The following ALMS1 variants were observed in gnomAD, a reference collection of about 807,000 sequenced individuals.
The protein encoded by ALMS1 is ALMS1 centrosome and basal body associated protein.
ALMS1 carries 271 observed loss-of-function variants against 352.2 expected under a neutral mutation model. The ratio of observed to expected loss-of-function variants is 0.77; its 90% CI spans 0.70 to 0.85. The LOEUF is 0.85. ALMS1 is among the 40% of genes least tolerant of loss of function. The pLI is 0.00. For synonymous variants in ALMS1, 1,865 were observed against 1,761.2 expected (o/e 1.06, Z -1.48); for missense variants, 5,445 against 4,870.7 (o/e 1.12, Z -3.51).
At chr2:73,509,773 T>G (rs373733006) in intron 10 of ALMS1, among the ~76,000 whole-genome samples, 10 of 152,202 alleles carry the variant, frequency 6.6e-5, no homozygotes, top group South Asian at 2.1e-4. Flanking sequence ...CTTTGTGGTG[T>G]TCTCTGTATT....
chr2:73,571,000 A>C (rs1188109536), intron 15 of ALMS1, among the ~76,000 whole-genome samples: 1 of 152,196 alleles, frequency 6.6e-6, no homozygotes, highest in African/African-American at 2.4e-5. Context: ...CCCCTAATTT[A>C]GAATTATATA....
chr2:73,563,320 A>G (rs1279275061), intron 15 of ALMS1, among the ~76,000 whole-genome samples: 2 of 152,204 alleles, frequency 1.3e-5, no homozygotes, highest in African/African-American at 4.8e-5. Context: ...GCAATCCACA[A>G]TGAGGATATT....
chr2:73,603,237 C>T lies in ALMS1; in HGVS notation c.12299-4C>T, dbSNP rs777030138. 4 of 1,614,028 alleles carry T rather than the reference C, an allele frequency of 2.5e-6. No homozygotes were observed. Among genetic ancestry groups the T allele is most frequent in the East Asian group, 4.5e-5 (2 of 44,876 alleles). The stretch of plus-strand genomic sequence containing the variant: ...CACTGAAAACCCTTTCTTCTCTTGC[C>T]TAGTCTTCCTGGCTATCCAGAAGAA... On this transcript the variant is annotated splice_region_variant and splice_polypyrimidine_tract_variant and intron_variant, in intron 20 of 22. Coordinates refer to ENST00000613296, the MANE Select transcript of ALMS1 (RefSeq NM_001378454.1).
chr2:73,395,573 A>G (rs535763919), intron 1 of ALMS1, among the ~76,000 whole-genome samples: 1 of 152,144 alleles, frequency 6.6e-6, no homozygotes, highest in East Asian at 1.9e-4. Context: ...TATTTTTCTT[A>G]ATTGAATGTT....
chr2:73,415,322 A>T (rs1437829907), intron 2 of ALMS1, among the ~76,000 whole-genome samples: 1 of 152,350 alleles, frequency 6.6e-6, no homozygotes, highest in African/African-American at 2.4e-5. Flanking sequence ...ATGGGAAATT[A>T]TAAGAATATG....
chr2:73,515,327 CA>C (rs1398419667), intron 10 of ALMS1, among the ~76,000 whole-genome samples: 1 of 152,058 alleles, frequency 6.6e-6, no homozygotes, highest in Non-Finnish European at 1.5e-5. Flanking sequence ...CTTTTGCTCT[CA>C]ATATATTAAT....
In ALMS1 at chr2:73,573,330, G is replaced by A. The variant is rs1674985801; in HGVS notation, c.11453G>A (p.Arg3818Lys). Residue 3818 changes from arginine to lysine, a missense_variant, in exon 16 of 23, where the codon AGA becomes AAA. Arg to Lys is a conservative substitution (Grantham distance 26). Coordinates refer to ENST00000613296, the MANE Select transcript of ALMS1 (RefSeq NM_001378454.1). ...LYSSITNQQR[R>K]YLEKRSKHSK... ...AGCAGCATCACCAACCAACAGAGGA[G>A]ATACCTTGAGAAGCGGAGCAAACAC... 1 of 1,614,022 alleles carries A rather than the reference G, an allele frequency of 6.2e-7. No individual in the cohort carries two copies. Among genetic ancestry groups the A allele is most frequent in the Non-Finnish European group, 8.5e-7 (1 of 1,180,022 alleles).
intron 10 of ALMS1, among the ~76,000 whole-genome samples, chr2:73,508,115 CTTTTCT>C (rs1314222498): frequency 6.7e-5 from 10 of 150,028 alleles, no homozygotes; most frequent in Non-Finnish European, 1.0e-4. Context: ...TTTCTTTTCT[CTTTTCT>C]TTTCCTTTCC....
rs1003907117 is a variant in ALMS1 at position 73,609,783 on chromosome 2, G to A, written c.*171G>A. 3.0e-6 allele frequency: 2 copies of A among 676,938 alleles called. No individual in the cohort carries two copies. Among genetic ancestry groups the A allele is most frequent in the African/African-American group, 1.8e-5 (1 of 55,384 alleles). The allele number at this position is 676,938 out of a possible 1,614,324, so 41.9% of individuals were successfully genotyped here. On this transcript the variant is annotated 3_prime_UTR_variant, in exon 23 of 23. Transcript: ENST00000613296. ...AAAGTGGTGATTAAAATTCCTAATG[G>A]TTTGGGAGCAATACTTTCTGCATAG...
At chr2:73,593,120 G>A (rs1020278272) in intron 16 of ALMS1, among the ~76,000 whole-genome samples, 2 of 136,980 alleles carry the variant, frequency 1.5e-5, no homozygotes, top group African/African-American at 2.7e-5. Context: ...TTAGAGATGC[G>A]TGGGACTCTC....
chr2:73,474,371 CTGTGTGTGTGTGTG>C (rs377039331), intron 9 of ALMS1, among the ~76,000 whole-genome samples: 9 of 95,470 alleles, frequency 9.4e-5, no homozygotes, highest in Non-Finnish European at 1.9e-4. Flanking sequence ...CTTGTTGACT[CTGTGTGTGTGTGTG>C]TGTGTGTGTG....
At chr2:73,584,401 A>G (rs186875088) in intron 16 of ALMS1, among the ~76,000 whole-genome samples, 40 of 152,278 alleles carry the variant, frequency 2.6e-4, no homozygotes, top group Non-Finnish European at 5.4e-4. Flanking sequence ...TCACATACCT[A>G]TTTATGAGTT....
At chr2:73,596,324 G>T (rs150956022) in intron 16 of ALMS1, among the ~76,000 whole-genome samples, 1,557 of 152,142 alleles carry the variant, frequency 0.01, 39 homozygotes, top group African/African-American at 0.035. Context: ...TTTGCATAGG[G>T]ATATTTAATT....
chr2:73,480,043 G>C (rs1279258955), intron 9 of ALMS1, among the ~76,000 whole-genome samples: 1 of 151,012 alleles, frequency 6.6e-6, no homozygotes, highest in Non-Finnish European at 1.5e-5. Flanking sequence ...TGTATCTTTT[G>C]CCCATTTTCT....
rs1553404283 is a variant in ALMS1, at chr2:73,453,112, CA to C, written c.6587del (p.Lys2196SerfsTer10). The C allele has an allele frequency of 6.8e-6, 11 of 1,614,066 alleles. No individual in the cohort carries two copies. Among genetic ancestry groups the C allele is most frequent in the Non-Finnish European group, 9.3e-6 (11 of 1,179,994 alleles). ...SGTYSHGENH[K>X]LVSEHVQRLI... ...GTACTTACTCACATGGTGAGAATCA[CA>C]AGCTTGTTTCAGAACATGTCCAAAG... On this transcript the variant is annotated frameshift_variant, in exon 8 of 23. Transcript: ENST00000613296. LOFTEE classifies it high-confidence loss of function.
intron 16 of ALMS1, among the ~76,000 whole-genome samples, chr2:73,577,326 T>A (rs906558660): frequency 6.6e-5 from 10 of 152,214 alleles, no homozygotes; most frequent in African/African-American, 1.9e-4. Flanking sequence ...ATTCAATGTC[T>A]TTTAAGTCTA....
At chr2:73,443,790 T>A (rs1303826126) in intron 7 of ALMS1, among the ~76,000 whole-genome samples, 1 of 152,202 alleles carries the variant, frequency 6.6e-6, no homozygotes, top group African/African-American at 2.4e-5. Flanking sequence ...GCTTTGTATT[T>A]TGGCAGGGAT....
At chr2:73,435,501 A>G (rs925765603) in intron 7 of ALMS1, among the ~76,000 whole-genome samples, 5 of 150,914 alleles carry the variant, frequency 3.3e-5, no homozygotes, top group Non-Finnish European at 4.4e-5. Context: ...TAATTCTAGT[A>G]TGGTACAGAA....
intron 9 of ALMS1, among the ~76,000 whole-genome samples, chr2:73,471,470 AG>A (rs1236380251): frequency 2.1e-5 from 3 of 140,070 alleles, no homozygotes; most frequent in Non-Finnish European, 4.6e-5. Context: ...AAAGTATATA[AG>A]GAACACCTGC....
Sources: allele counts gnomAD v4.1 joint callset (sites outside exome capture counted in the v4.1 genomes callset), GRCh38; gene constraint gnomAD v4.1.1; transcripts MANE v1.5; gene names NCBI Gene and HGNC (gene_info 2026-07-23, HGNC 2026-07-21).